SMYD3: variants seen among roughly 807,000 people sequenced by gnomAD.
SMYD3 encodes SET and MYND domain containing 3.
In SMYD3, 36 loss-of-function variants were observed where a neutral mutation model predicts 57.7. The observed-to-expected ratio is 0.62, with a 90% CI of 0.48 to 0.82. The LOEUF is 0.82. Among genes scored for constraint, SMYD3 ranks in the 40% least tolerant of loss-of-function variants. The probability of loss-of-function intolerance (pLI) is 0.00; values close to 1 mark genes in which losing one functional copy is unlikely to be tolerated. For missense variants in SMYD3, 515 were observed against 538.8 expected, an observed-to-expected ratio of 0.96 and a Z score of 0.44; for synonymous variants, 211 against 195.0, an observed-to-expected ratio of 1.08 and a Z score of -0.68.
intron 5 of SMYD3, among the ~76,000 whole-genome samples, chr1:246,210,711 A>AC (rs1352587863): frequency 2.6e-5 from 4 of 151,990 alleles, no homozygotes; most frequent in African/African-American, 9.7e-5. Context: ...ACTAAAAAAA[A>AC]AAAAACAAAA....
intron 11 of SMYD3, among the ~76,000 whole-genome samples, chr1:245,751,346 A>C (rs574268305): frequency 6.6e-6 from 1 of 152,328 alleles, no homozygotes; most frequent in Non-Finnish European, 1.5e-5. Flanking sequence ...GCAATTCTGC[A>C]TGCAGGAAAA....
chr1:246,206,843 T>A (rs558402295), intron 5 of SMYD3, among the ~76,000 whole-genome samples: 1 of 152,346 alleles, frequency 6.6e-6, no homozygotes, highest in South Asian at 2.1e-4. Flanking sequence ...AATTTTAATA[T>A]AGTTTTATAA....
At chr1:245,776,363 G>A (rs552674679) in intron 10 of SMYD3, among the ~76,000 whole-genome samples, 5 of 151,852 alleles carry the variant, frequency 3.3e-5, no homozygotes, top group Admixed American at 6.5e-5. Context: ...GAGCATTGTC[G>A]TTAAAAAAAA....
chr1:246,285,416 T>C (rs1290907744), intron 5 of SMYD3, among the ~76,000 whole-genome samples: 1 of 152,128 alleles, frequency 6.6e-6, no homozygotes, highest in Non-Finnish European at 1.5e-5. Flanking sequence ...ACTCTGCTGG[T>C]ACAAACATGC....
At chr1:245,769,566 A>C (rs1241347699) in intron 10 of SMYD3, among the ~76,000 whole-genome samples, 1 of 152,236 alleles carries the variant, frequency 6.6e-6, no homozygotes, top group Non-Finnish European at 1.5e-5. Flanking sequence ...AAAGAGATGT[A>C]AGAGATGTAA....
At chr1:245,876,207 A>T (rs2148531782) in intron 8 of SMYD3, among the ~76,000 whole-genome samples, 1 of 152,280 alleles carries the variant, frequency 6.6e-6, no homozygotes, top group South Asian at 2.1e-4. Flanking sequence ...CAAACTGCAG[A>T]CCTGTTGTTC....
At chr1:245,810,867 G>T (rs1459576905) in intron 10 of SMYD3, among the ~76,000 whole-genome samples, 1 of 152,206 alleles carries the variant, frequency 6.6e-6, no homozygotes, top group African/African-American at 2.4e-5. Context: ...AGCAGACGGA[G>T]GGAGTGCAGT....
chr1:246,193,136 C>T (rs1420101845), intron 5 of SMYD3, among the ~76,000 whole-genome samples: 1 of 152,112 alleles, frequency 6.6e-6, no homozygotes, highest in Non-Finnish European at 1.5e-5. Flanking sequence ...TCCTTAGGTC[C>T]CATTTATCGT....
At chr1:246,232,984 C>G (rs2063440457) in intron 5 of SMYD3, among the ~76,000 whole-genome samples, 1 of 137,554 alleles carries the variant, frequency 7.3e-6, no homozygotes, top group African/African-American at 2.7e-5. Flanking sequence ...GAACATATAC[C>G]ACGCAGAGGA....
At chr1:246,239,803 T>G (rs1434223746) in intron 5 of SMYD3, among the ~76,000 whole-genome samples, 1 of 152,178 alleles carries the variant, frequency 6.6e-6, no homozygotes, top group East Asian at 1.9e-4. Context: ...TGAGATGGTA[T>G]CTCATTGTGG....
chr1:246,422,420 C>CT (rs35417324), intron 1 of SMYD3, among the ~76,000 whole-genome samples: 12,916 of 151,058 alleles, frequency 0.086, 661 homozygotes, highest in Middle Eastern at 0.2. Flanking sequence ...CAATGTTTGC[C>CT]TTTTTTTTTA....
chr1:246,320,561 G>A (rs1148724), intron 5 of SMYD3, among the ~76,000 whole-genome samples: 20,992 of 152,018 alleles, frequency 0.14, 1,831 homozygotes, highest in East Asian at 0.31. Context: ...TCTTGTTGCC[G>A]CCAATCTAAT....
chr1:245,758,340 T>G (rs891738447), intron 11 of SMYD3, among the ~76,000 whole-genome samples: 1 of 152,166 alleles, frequency 6.6e-6, no homozygotes, highest in African/African-American at 2.4e-5. Flanking sequence ...CATCTGTATA[T>G]AGAGATAATT....
At chr1:245,943,817 G>C (rs1243170222) in intron 5 of SMYD3, among the ~76,000 whole-genome samples, 1 of 152,158 alleles carries the variant, frequency 6.6e-6, no homozygotes, top group Non-Finnish European at 1.5e-5. Flanking sequence ...GGGATGCAAA[G>C]CTGGTTCAAT....
chr1:246,220,174 C>A (rs1267724753), intron 5 of SMYD3, among the ~76,000 whole-genome samples: 1 of 152,138 alleles, frequency 6.6e-6, no homozygotes, highest in Admixed American at 6.5e-5. Context: ...GACACTACCT[C>A]CTTCCACATC....
intron 10 of SMYD3, among the ~76,000 whole-genome samples, chr1:245,817,984 T>C (rs998506129): frequency 7.9e-5 from 12 of 152,208 alleles, no homozygotes; most frequent in African/African-American, 2.9e-4. Flanking sequence ...CAGGATATTA[T>C]CCAGGAGAAC....
rs531279610 is a variant in SMYD3, at chr1:246,269,272, T to C, written c.531+57929A>G. On this transcript the variant is annotated intron_variant, in intron 5 of 11. Coordinates refer to ENST00000490107, the MANE Select transcript of SMYD3 (RefSeq NM_001167740.2). ...ACTAACAACACAGCAAGAGCCTGTG[T>C]TAGTAACTCAATAAATACTGAATTG... Among the ~76,000 whole-genome samples, 419 of 152,308 alleles carry C rather than the reference T, an allele frequency of 2.8e-3. 1 individual carries two copies. The highest frequency in any genetic ancestry group is 8.7e-3 in the African/African-American group (363 of 41,580).
intron 5 of SMYD3, among the ~76,000 whole-genome samples, chr1:246,113,323 G>A (rs142580780): frequency 0.015 from 2,258 of 152,154 alleles, 56 homozygotes; most frequent in African/African-American, 0.052. Context: ...ATTGCTTTTC[G>A]CTTATTAGAA....
rs545307144 is a variant in SMYD3, at chr1:245,817,269, A to AC, written c.1076+41226dup. On this transcript the variant is annotated intron_variant, in intron 10 of 11. Coordinates refer to ENST00000490107, the MANE Select transcript of SMYD3 (RefSeq NM_001167740.2). ...CCCCCGAGCAGCCTAACTGGGAGGC[A>AC]CCCCCCAGCAGGGGCACACTGACAC... 2.3e-3 allele frequency among the ~76,000 whole-genome samples: 331 copies of AC among 142,584 alleles called. 6 individuals are homozygous for AC. Among genetic ancestry groups the AC allele is most frequent in the Non-Finnish European group, 3.6e-3 (237 of 65,452 alleles). The allele number at this position is 142,584 out of a possible 152,430, so 93.5% of individuals were successfully genotyped here. A position where few individuals can be genotyped will look rare whatever the true frequency, so the allele number is the denominator to read the frequency against.
Sources: allele counts gnomAD v4.1 joint callset (sites outside exome capture counted in the v4.1 genomes callset), GRCh38; gene constraint gnomAD v4.1.1; transcripts MANE v1.5; gene names NCBI Gene and HGNC (gene_info 2026-07-23, HGNC 2026-07-21).